The following ZRANB1 variants were observed in gnomAD, a reference collection of about 807,000 sequenced individuals.
ZRANB1 encodes the protein ubiquitin thioesterase ZRANB1.
A neutral mutation model predicts 80.5 loss-of-function variants in ZRANB1; 16 were observed. The ratio of observed to expected loss-of-function variants is 0.20; its 90% CI spans 0.13 to 0.30. ZRANB1 has a LOEUF of 0.30. ZRANB1 is among the 10% of genes least tolerant of loss of function. ZRANB1 has a pLI of 1.00. For missense variants in ZRANB1, 576 were observed against 862.6 expected (o/e 0.67, Z 4.16); for synonymous variants, 291 against 293.1 (o/e 0.99, Z 0.07).
chr10:124,928,532 T>C, the ZRANB1 span, among the ~76,000 whole-genome samples: 1 of 152,262 alleles, frequency 6.6e-6, no homozygotes. Flanking sequence ...TAGTAAATTC[T>C]TTTTTATTAT....
At chr10:124,968,218 A>G (rs1951792392) in intron 2 of ZRANB1, among the ~76,000 whole-genome samples, 1 of 152,202 alleles carries the variant, frequency 6.6e-6, no homozygotes, top group African/African-American at 2.4e-5. Flanking sequence ...TTTTAATGGT[A>G]AGAGAAATAG....
chr10:124,932,236 C>T, the ZRANB1 span, among the ~76,000 whole-genome samples: 1 of 149,960 alleles, frequency 6.7e-6, no homozygotes, highest in African/African-American at 2.5e-5. Context: ...TTCTTTCCAA[C>T]TTTTTGCAAT....
chr10:124,922,300 A>AATATATATATATATATGTAAAAT, the ZRANB1 span, among the ~76,000 whole-genome samples: 13 of 24,844 alleles, frequency 5.2e-4, no homozygotes, highest in Non-Finnish European at 2.3e-3. Flanking sequence ...ATATATGTAA[A>AATATATATATATATATGTAAAAT]ATATATATAT....
chr10:124,966,827 C>T (rs1951781233), intron 2 of ZRANB1, 46 bp downstream of exon 2: 1 of 1,502,448 alleles, frequency 6.7e-7, no homozygotes, highest in Non-Finnish European at 9.1e-7. Context: ...TTAAAGAAAC[C>T]TGTTCTTTAG....
intron 3 of ZRANB1, among the ~76,000 whole-genome samples, chr10:124,972,773 G>GCT (rs1213607595): frequency 1.3e-5 from 2 of 150,916 alleles, no homozygotes; most frequent in Admixed American, 1.3e-4. Context: ...TTGTTTTGTT[G>GCT]CTGTTTTTTT....
rs1427107237 is a variant in ZRANB1, at chr10:124,973,626, G to A, written c.1157-19G>A. 1.2e-6 allele frequency: 2 copies of A among 1,602,114 alleles called. No homozygotes were observed. The highest frequency in any genetic ancestry group is 2.2e-5 in the East Asian group (1 of 44,712). On this transcript the variant is annotated intron_variant, in intron 3 of 8. Coordinates refer to ENST00000359653, the MANE Select transcript of ZRANB1 (RefSeq NM_017580.3). ...AGTTATGAAACAAAAGATCTTTTAA[G>A]TTTGCATTTTCTTTGTAGATATTGA...
At chr10:124,929,123 G>A in the ZRANB1 span, among the ~76,000 whole-genome samples, 16 of 152,278 alleles carry the variant, frequency 1.1e-4, no homozygotes, top group South Asian at 4.1e-4. Context: ...GGTATAGCAG[G>A]GGAGTCTGGA....
At chr10:124,944,703 A>G (rs1951565488) in intron 1 of ZRANB1, among the ~76,000 whole-genome samples, 1 of 152,106 alleles carries the variant, frequency 6.6e-6, no homozygotes, top group Admixed American at 6.6e-5. Flanking sequence ...TATGTTGCCC[A>G]GGATGGTCTT....
chr10:124,949,334 G>T (rs1951611362), intron 1 of ZRANB1, among the ~76,000 whole-genome samples: 1 of 151,796 alleles, frequency 6.6e-6, no homozygotes, highest in African/African-American at 2.4e-5. Context: ...TAGGAGCTGA[G>T]ATTTGGTTGG....
At chr10:124,927,431 C>G in the ZRANB1 span, among the ~76,000 whole-genome samples, 1 of 152,172 alleles carries the variant, frequency 6.6e-6, no homozygotes, top group East Asian at 1.9e-4. Flanking sequence ...ATTTTTAAAC[C>G]ACTTCTAAAT....
Position 124,960,763 on chromosome 10 carries a change from A to C in ZRANB1, c.815-5831A>C, listed in dbSNP as rs116142597. ...AAATGTTCATTTACCCTCTAGTAAAAAAAAGGTGGGCTAGACTATTCAGTT... is the reference window on the plus strand; with the variant it reads ...AAATGTTCATTTACCCTCTAGTAAACAAAAGGTGGGCTAGACTATTCAGTT... On this transcript the variant is annotated intron_variant, in intron 1 of 8. Transcript: ENST00000359653. Among the ~76,000 whole-genome samples, 1,086 of 152,266 alleles carry C rather than the reference A, an allele frequency of 7.1e-3. 17 individuals carry two copies. Among genetic ancestry groups the C allele is most frequent in the African/African-American group, 0.025 (1,029 of 41,544 alleles).
At chr10:124,953,599 C>T (rs1009710190) in intron 1 of ZRANB1, among the ~76,000 whole-genome samples, 6 of 152,114 alleles carry the variant, frequency 3.9e-5, no homozygotes, top group Non-Finnish European at 5.9e-5. Context: ...TTGGACTTGA[C>T]GTTTTGTGTG....
chr10:124,916,954 C>A, the ZRANB1 span, among the ~76,000 whole-genome samples: 2 of 151,916 alleles, frequency 1.3e-5, no homozygotes, highest in African/African-American at 2.4e-5. Context: ...GGCCGCCTCC[C>A]ACACCTCAGT....
the ZRANB1 span, among the ~76,000 whole-genome samples, chr10:124,921,362 G>A: frequency 6.6e-6 from 1 of 152,176 alleles, no homozygotes; most frequent in Admixed American, 6.5e-5. Flanking sequence ...ATTCACTACT[G>A]CTACCTGTCA....
In ZRANB1 at chr10:124,977,720, A is replaced by T. The variant is rs1005942860; in HGVS notation, c.1427+3322A>T. On this transcript the variant is annotated intron_variant, in intron 5 of 8. Coordinates refer to ENST00000359653, the MANE Select transcript of ZRANB1 (RefSeq NM_017580.3). ...AGTGAGACCCTGCTAAGAAAAAAAA[A>T]AAAAAAAAAAAAAAAAGATGGTTTG... Among the ~76,000 whole-genome samples the T allele has an allele frequency of 2.1e-5, 3 of 142,272 alleles. No individual in the cohort carries two copies. The East Asian group carries it at 5.8e-4, about 28-fold the overall frequency. 93.3% of individuals were successfully genotyped at this position (142,272 alleles called of 152,430 possible). A position where few individuals can be genotyped will look rare whatever the true frequency, so the allele number is the denominator to read the frequency against.
chr10:124,961,928 TA>T lies in ZRANB1; in HGVS notation c.815-4665del, dbSNP rs1564961431. ...ATAGTGGATCTTAACTTGTTGCTATTATTATGTGGAAAATACAACCAGGAGG... is the reference window on the plus strand; with the variant it reads ...ATAGTGGATCTTAACTTGTTGCTATTTTATGTGGAAAATACAACCAGGAGG... On this transcript the variant is annotated intron_variant, in intron 1 of 8. Coordinates refer to ENST00000359653, the MANE Select transcript of ZRANB1 (RefSeq NM_017580.3). Among the ~76,000 whole-genome samples the T allele has an allele frequency of 7.2e-5, 11 of 152,326 alleles. No individual in the cohort carries two copies. The East Asian group carries it at 1.7e-3, about 24-fold the overall frequency.
intron 1 of ZRANB1, among the ~76,000 whole-genome samples, 196 bp downstream of exon 1, chr10:124,943,503 G>A (rs1429040883): frequency 6.7e-6 from 1 of 148,542 alleles, no homozygotes; most frequent in African/African-American, 2.5e-5. Flanking sequence ...GTGAGACTGT[G>A]TCTCCACGCA....
At chr10:124,953,736 A>T (rs1324790159) in intron 1 of ZRANB1, among the ~76,000 whole-genome samples, 2 of 152,200 alleles carry the variant, frequency 1.3e-5, no homozygotes, top group Non-Finnish European at 2.9e-5. Flanking sequence ...ATTGCTTTGC[A>T]GTCATCATTA....
At position 124,987,465 on chromosome 10, in the gene ZRANB1, A is replaced by AGG. The variant is rs1313885449; in HGVS notation, c.*2474_*2475dup. ...CTGCCTTTTTATGTTTTTGACTCTT[A>AGG]GGTTCATCGTGTCCCAGACTTCTTC... On this transcript the variant is annotated 3_prime_UTR_variant, in exon 9 of 9. Transcript: ENST00000359653. 6.6e-6 allele frequency: 1 copy of AGG among 152,162 alleles called. No homozygotes were observed. Among genetic ancestry groups the AGG allele is most frequent in the Non-Finnish European group, 1.5e-5 (1 of 68,030 alleles). The allele number at this position is 152,162 out of a possible 1,614,324, so 9.4% of individuals were successfully genotyped here. A position where few individuals can be genotyped will look rare whatever the true frequency, so the allele number is the denominator to read the frequency against.
Sources: allele counts gnomAD v4.1 joint callset (sites outside exome capture counted in the v4.1 genomes callset), GRCh38; gene constraint gnomAD v4.1.1; transcripts MANE v1.5; gene names NCBI Gene and HGNC (gene_info 2026-07-23, HGNC 2026-07-21).